ZFHX3: variants seen among roughly 807,000 people sequenced by gnomAD.
ZFHX3 encodes zinc finger homeobox 3.
Under a neutral mutation model 279.1 loss-of-function variants are expected in ZFHX3, and 42 were observed. The observed-to-expected ratio is 0.15, with a 90% CI of 0.12 to 0.19. ZFHX3 has a LOEUF of 0.19. ZFHX3 is among the 10% of genes least tolerant of loss of function. The probability of loss-of-function intolerance (pLI) is 1.00; values close to 1 mark genes in which losing one functional copy is unlikely to be tolerated. For missense variants in ZFHX3, 4,981 were observed against 4,754.0 expected (o/e 1.05, Z -1.40); for synonymous variants, 2,293 against 1,957.8 (o/e 1.17, Z -4.52).
At position 73,513,169 on chromosome 16, in the gene ZFHX3, A is replaced by T. The variant is rs143104753; in HGVS notation, c.-1546-56911T>A. The stretch of plus-strand genomic sequence containing the variant: ...AAGCATGTTCTGATGGGTGAGACAG[A>T]TGGACAGCTCTTTGAAAAGGAGTCC... On this transcript the variant is annotated intron_variant, in intron 2 of 17. Transcript: ENST00000641206. Among the ~76,000 whole-genome samples, 19 of 152,328 alleles carry T rather than the reference A, an allele frequency of 1.2e-4. No homozygotes were observed. The East Asian group carries it at 3.3e-3, about 26-fold the overall frequency.
intron 3 of ZFHX3, among the ~76,000 whole-genome samples, chr16:72,949,797 CA>C (rs1960888956): frequency 3.3e-5 from 5 of 151,156 alleles, no homozygotes; most frequent in African/African-American, 1.2e-4. Flanking sequence ...CTCATGGACC[CA>C]ATTTTCCCCA....
intron 2 of ZFHX3, among the ~76,000 whole-genome samples, chr16:73,582,761 GC>G (rs1360905028): frequency 6.6e-6 from 1 of 151,884 alleles, no homozygotes; most frequent in Non-Finnish European, 1.5e-5. Flanking sequence ...ACAGGCATGA[GC>G]CACCATGCCT....
intron 3 of ZFHX3, among the ~76,000 whole-genome samples, chr16:72,892,394 G>A (rs780234021): frequency 1.3e-5 from 2 of 152,238 alleles, no homozygotes; most frequent in Middle Eastern, 3.4e-3. Context: ...CAACCAGAAA[G>A]TATTGGAAGA....
chr16:73,623,397 T>C (rs1045204551), intron 2 of ZFHX3, among the ~76,000 whole-genome samples: 1 of 152,076 alleles, frequency 6.6e-6, no homozygotes, highest in Admixed American at 6.5e-5. Flanking sequence ...AAACTGTGAA[T>C]CTTAAACTTA....
intron 1 of ZFHX3, among the ~76,000 whole-genome samples, chr16:73,684,890 A>G (rs1008532469): frequency 6.6e-6 from 1 of 152,048 alleles, no homozygotes; most frequent in African/African-American, 2.4e-5. Flanking sequence ...TAGTAGAGAC[A>G]GGATTTCACT....
intron 4 of ZFHX3, among the ~76,000 whole-genome samples, chr16:72,850,489 A>G (rs1278565456): frequency 6.6e-6 from 1 of 152,208 alleles, no homozygotes; most frequent in Non-Finnish European, 1.5e-5. Flanking sequence ...GAAGTTGGGG[A>G]AAAAATTTCT....
chr16:73,027,799 T>C (rs1964565104), intron 1 of ZFHX3, among the ~76,000 whole-genome samples: 1 of 152,186 alleles, frequency 6.6e-6, no homozygotes, highest in Non-Finnish European at 1.5e-5. Context: ...TGAGATATGA[T>C]GTCACTAACC....
chr16:73,510,500 C>G (rs1214415849), intron 2 of ZFHX3, among the ~76,000 whole-genome samples: 1 of 152,190 alleles, frequency 6.6e-6, no homozygotes, highest in Non-Finnish European at 1.5e-5. Flanking sequence ...TCATCCGAGG[C>G]TTCAACTAAA....
intron 7 of ZFHX3, among the ~76,000 whole-genome samples, chr16:73,095,888 A>G (rs1720779634): frequency 6.6e-6 from 1 of 152,212 alleles, no homozygotes; most frequent in Admixed American, 6.5e-5. Flanking sequence ...TTTTCAACAG[A>G]GCTGTTAGGA....
intron 3 of ZFHX3, among the ~76,000 whole-genome samples, chr16:73,422,408 T>A (rs2017734863): frequency 6.6e-6 from 1 of 152,096 alleles, no homozygotes; most frequent in Admixed American, 6.5e-5. Flanking sequence ...GTAATACCAA[T>A]TCCCTGAAGT....
Position 72,950,646 on chromosome 16 carries a change from C to T in ZFHX3, c.3039G>A (p.Gln1013=), listed in dbSNP as rs145027541. 9.5e-5 allele frequency: 154 copies of T among 1,614,226 alleles called. No individual in the cohort carries two copies. In the Middle Eastern group the frequency reaches 4.9e-3, roughly 52 times the overall value. ...CGCCCTCCTTGATGTGGGCCACCAG[C>T]TGGTACTTCTGCACGTGCTTGTCTG... The part of the protein sequence containing the change: ...CKTDKHVQKY[Q]LVAHIKEGGK... The change falls in exon 3 of 10, where the codon CAG becomes CAA. Residue 1013 remains glutamine, a synonymous_variant. Transcript: ENST00000268489.
At chr16:73,363,171 T>C (rs942018854) in intron 3 of ZFHX3, among the ~76,000 whole-genome samples, 1 of 152,108 alleles carries the variant, frequency 6.6e-6, no homozygotes, top group African/African-American at 2.4e-5. Flanking sequence ...ACCTACCATT[T>C]CACAAATGAG....
chr16:72,962,962 T>G (rs572340195), intron 1 of ZFHX3, among the ~76,000 whole-genome samples: 11 of 151,548 alleles, frequency 7.3e-5, no homozygotes, highest in Non-Finnish European at 1.3e-4. Flanking sequence ...CATCTACCAC[T>G]CCCCCGCAAC....
At chr16:73,574,817 C>T (rs932344100) in intron 2 of ZFHX3, among the ~76,000 whole-genome samples, 3 of 152,182 alleles carry the variant, frequency 2.0e-5, no homozygotes, top group African/African-American at 7.2e-5. Flanking sequence ...CCACCACCAA[C>T]TGCCATGATT....
At chr16:73,794,384 A>G (rs1354130202) in intron 1 of ZFHX3, 1 of 152,268 alleles carries the variant, frequency 6.6e-6, no homozygotes, top group Non-Finnish European at 1.5e-5. Context: ...AATTTCAAGA[A>G]ACATTCACTT....
At chr16:73,135,796 A>C (rs959046185) in intron 6 of ZFHX3, among the ~76,000 whole-genome samples, 4 of 152,054 alleles carry the variant, frequency 2.6e-5, no homozygotes, top group African/African-American at 9.7e-5. Flanking sequence ...TAGGCTGGGC[A>C]TGGTTTCCAC....
chr16:72,797,282 G>T lies in ZFHX3; in HGVS notation c.5400C>A (p.Phe1800Leu). ...GCTGGAACTCAGCACTGGGGATGTAGAAAGGGAAGAGGAGGTGCTGCTGCT... is the reference window on the plus strand; with the variant it reads ...GCTGGAACTCAGCACTGGGGATGTATAAAGGGAAGAGGAGGTGCTGCTGCT... ...LQQQQHLLFP[F>L]YIPSAEFQLN... The change falls in exon 9 of 10, where the codon TTC becomes TTA. Residue 1800 changes from phenylalanine (F) to leucine (L), a missense_variant. By Grantham distance (22) the Phe-to-Leu change is conservative. Coordinates refer to ENST00000268489, the MANE Select transcript of ZFHX3 (RefSeq NM_006885.4). 6.2e-7 allele frequency: 1 copy of T among 1,610,534 alleles called. No homozygotes were observed. Among genetic ancestry groups the T allele is most frequent in the Non-Finnish European group, 8.5e-7 (1 of 1,177,820 alleles).
At chr16:73,864,793 G>A (rs1444026512) in intron 1 of ZFHX3, among the ~76,000 whole-genome samples, 1 of 107,582 alleles carries the variant, frequency 9.3e-6, no homozygotes, top group South Asian at 2.5e-4. Context: ...GAGCCATTAG[G>A]CATCCCAATA....
intron 1 of ZFHX3, among the ~76,000 whole-genome samples, chr16:72,985,305 T>C (rs1455080311): frequency 6.6e-6 from 1 of 152,240 alleles, no homozygotes; most frequent in East Asian, 1.9e-4. Flanking sequence ...TGTCATCTTA[T>C]GATCAACTAT....
Sources: allele counts gnomAD v4.1 joint callset (sites outside exome capture counted in the v4.1 genomes callset), GRCh38; gene constraint gnomAD v4.1.1; transcripts MANE v1.5; gene names NCBI Gene and HGNC (gene_info 2026-07-23, HGNC 2026-07-21).